Variants in ABHD2 observed in about 807,000 individuals in gnomAD.
The protein encoded by ABHD2 is abhydrolase domain containing 2, acylglycerol lipase.
Under a neutral mutation model 48.1 loss-of-function variants are expected in ABHD2, and 20 were observed. That is an observed-to-expected ratio of 0.42 (90% CI 0.29 to 0.60). The LOEUF is 0.60. Ranked by LOEUF, ABHD2 falls within the 20% of genes least tolerant of loss-of-function variation. The pLI, the probability that ABHD2 is intolerant of heterozygous loss-of-function variation, is 0.24. For synonymous variants in ABHD2, 209 were observed against 214.2 expected, an observed-to-expected ratio of 0.98 and a Z score of 0.21; for missense variants, 405 against 550.9, an observed-to-expected ratio of 0.74 and a Z score of 2.65.
At position 89,137,259 on chromosome 15, in the gene ABHD2, A is replaced by T. The variant is rs2050330084; in HGVS notation, c.195-14418A>T. 6.6e-6 allele frequency among the ~76,000 whole-genome samples: 1 copy of T among 152,122 alleles called. No individual in the cohort carries two copies. The highest frequency in any genetic ancestry group is 1.5e-5 in the Non-Finnish European group (1 of 68,032). ...CTGTGCTTTGGTGTGCCTAGGGAGGATGTGACCAGTTCCGCGTGCTGTTTG... is the reference window on the plus strand; with the variant it reads ...CTGTGCTTTGGTGTGCCTAGGGAGGTTGTGACCAGTTCCGCGTGCTGTTTG... On this transcript the variant is annotated intron_variant, in intron 3 of 10. Transcript: ENST00000352732. This position sits in a 1 kb window ranked among gnomAD's most constrained non-coding sequence, Gnocchi z 4.8.
rs941253455 is a variant in ABHD2, at chr15:89,164,324, T to C, written c.538+8790T>C. Reference sequence around the variant, plus strand: ...AACCTTTTCACAGACAGGGACCAGATCTGCATTTCTAATTTTTATATTATT... The same window carrying C: ...AACCTTTTCACAGACAGGGACCAGACCTGCATTTCTAATTTTTATATTATT... On this transcript the variant is annotated intron_variant, in intron 5 of 10. Coordinates refer to ENST00000352732, the MANE Select transcript of ABHD2 (RefSeq NM_152924.5). This position sits in a 1 kb window ranked among gnomAD's most constrained non-coding sequence, Gnocchi z 5.0. Among the ~76,000 whole-genome samples the C allele has an allele frequency of 3.3e-5, 5 of 152,140 alleles. No homozygotes were observed. The highest frequency in any genetic ancestry group is 6.5e-5 in the Admixed American group (1 of 15,278).
chr15:89,048,591 T>C, the ABHD2 span, among the ~76,000 whole-genome samples: 2 of 152,256 alleles, frequency 1.3e-5, no homozygotes, highest in South Asian at 4.1e-4. Context: ...GAGGCTTTGC[T>C]CATTTCTTTT....
chr15:89,142,298 A>G (rs1596109425), intron 3 of ABHD2, among the ~76,000 whole-genome samples: 4 of 152,380 alleles, frequency 2.6e-5, no homozygotes, highest in South Asian at 2.1e-4. Flanking sequence ...GATAAATAAA[A>G]TAGCAGTTTT....
chr15:89,138,213 T>C (rs2050345341), intron 3 of ABHD2, among the ~76,000 whole-genome samples: 1 of 152,224 alleles, frequency 6.6e-6, no homozygotes, highest in Non-Finnish European at 1.5e-5. Flanking sequence ...ACCTTTCCTG[T>C]GTGCACACAC....
chr15:89,173,919 C>T lies in ABHD2; in HGVS notation c.539-1893C>T, dbSNP rs1006046289. Among the ~76,000 whole-genome samples, 1 of 152,084 alleles carries T rather than the reference C, an allele frequency of 6.6e-6. No homozygotes were observed. The highest frequency in any genetic ancestry group is 6.5e-5 in the Admixed American group (1 of 15,268). ...GGAAGCAGCTCTTGGCCCGGTTTTTCCCTTAGTTTTAGGCATCTCTTGCTT... is the reference window on the plus strand; with the variant it reads ...GGAAGCAGCTCTTGGCCCGGTTTTTTCCTTAGTTTTAGGCATCTCTTGCTT... On this transcript the variant is annotated intron_variant, in intron 5 of 10. Transcript: ENST00000352732. The surrounding 1 kb of genome is among the most constrained non-coding windows in gnomAD (Gnocchi z 6.5).
chr15:89,088,947 C>T lies in ABHD2; in HGVS notation c.-107+384C>T, dbSNP rs2150763670. The stretch of plus-strand genomic sequence containing the variant: ...GGGATCCGCACCTGGAAGGAGAGGG[C>T]CGAGGGGCCTGATTACAGCCCGAGA... On this transcript the variant is annotated intron_variant, in intron 1 of 10. Coordinates refer to ENST00000352732, the MANE Select transcript of ABHD2 (RefSeq NM_152924.5). The surrounding 1 kb of genome is among the most constrained non-coding windows in gnomAD (Gnocchi z 6.8). Among the ~76,000 whole-genome samples, 1 of 152,334 alleles carries T rather than the reference C, an allele frequency of 6.6e-6. No homozygotes were observed. The highest frequency in any genetic ancestry group is 3.4e-3 in the Middle Eastern group (1 of 294).
At chr15:89,060,387 G>A in the ABHD2 span, among the ~76,000 whole-genome samples, 2,042 of 145,778 alleles carry the variant, frequency 0.014, 44 homozygotes, top group African/African-American at 0.048. Context: ...CACCTCGCCC[G>A]GCCAGCCTTT....
chr15:89,100,479 C>T lies in ABHD2; in HGVS notation c.-107+11916C>T, dbSNP rs2049683854. Among the ~76,000 whole-genome samples, 1 of 152,094 alleles carries T rather than the reference C, an allele frequency of 6.6e-6. No individual in the cohort carries two copies. The highest frequency in any genetic ancestry group is 6.5e-5 in the Admixed American group (1 of 15,276). On this transcript the variant is annotated intron_variant, in intron 1 of 10. Transcript: ENST00000352732. The surrounding 1 kb of genome is among the most constrained non-coding windows in gnomAD (Gnocchi z 4.4). ...GTCTGTGTCCAGATCCTGCAAGTAG[C>T]CTCTCTACCCCACCACCAATGTACA...
intron 1 of ABHD2, among the ~76,000 whole-genome samples, chr15:89,095,183 T>TAA (rs536877790): frequency 2.8e-4 from 42 of 152,276 alleles, no homozygotes; most frequent in African/African-American, 9.4e-4. Context: ...GTTGAGTTAA[T>TAA]GGCCATTGAA....
rs1279668301 is a variant in ABHD2, at chr15:89,201,869, G to T, written c.*6446G>T. On this transcript the variant is annotated 3_prime_UTR_variant, in exon 11 of 11. Transcript: ENST00000352732. Reference sequence around the variant, plus strand: ...GGCGGGGGACGATGGCGAGAGGGGAGGGGGAGCGAGTTCGCATCTCTCCTT... The same window carrying T: ...GGCGGGGGACGATGGCGAGAGGGGATGGGGAGCGAGTTCGCATCTCTCCTT... 3 of 748,846 alleles carry T rather than the reference G, an allele frequency of 4.0e-6. No homozygotes were observed. The highest frequency in any genetic ancestry group is 1.8e-5 in the African/African-American group (1 of 57,004). 46.4% of individuals were successfully genotyped at this position (748,846 alleles called of 1,614,324 possible).
rs2051033301 is a variant in ABHD2 at position 89,177,395 on chromosome 15, C to T, written c.722+1400C>T. 6.6e-6 allele frequency among the ~76,000 whole-genome samples: 1 copy of T among 152,188 alleles called. No homozygotes were observed. The highest frequency in any genetic ancestry group is 2.1e-4 in the South Asian group (1 of 4,826). On this transcript the variant is annotated intron_variant, in intron 6 of 10. Coordinates refer to ENST00000352732, the MANE Select transcript of ABHD2 (RefSeq NM_152924.5). This position sits in a 1 kb window ranked among gnomAD's most constrained non-coding sequence, Gnocchi z 5.6. Reference sequence around the variant, plus strand: ...CGGTCCAGTGAACTAGTGACTGCCTCACTTCATAAGGAATCACTTGGAGGA... The same window carrying T: ...CGGTCCAGTGAACTAGTGACTGCCTTACTTCATAAGGAATCACTTGGAGGA...
the ABHD2 span, among the ~76,000 whole-genome samples, chr15:89,058,429 C>T: frequency 6.6e-6 from 1 of 152,154 alleles, no homozygotes; most frequent in Non-Finnish European, 1.5e-5. Flanking sequence ...AGATGCCCCG[C>T]AGGCACAGAA....
chr15:89,068,298 C>T, the ABHD2 span, among the ~76,000 whole-genome samples: 1 of 152,126 alleles, frequency 6.6e-6, no homozygotes, highest in African/African-American at 2.4e-5. Context: ...ATGTAAGTAG[C>T]ACAAAACAAC....
intron 10 of ABHD2, chr15:89,193,531 G>A (rs995178811): frequency 1.7e-6 from 1 of 592,592 alleles, no homozygotes; most frequent in Non-Finnish European, 3.0e-6. Context: ...CCCAGGGCAT[G>A]AGACAGGACC....
rs1490610726 is a variant in ABHD2 at position 89,104,855 on chromosome 15, T to C, written c.-106-8870T>C. 1.3e-5 allele frequency among the ~76,000 whole-genome samples: 2 copies of C among 152,196 alleles called. No homozygotes were observed. Among genetic ancestry groups the C allele is most frequent in the African/African-American group, 4.8e-5 (2 of 41,460 alleles). On this transcript the variant is annotated intron_variant, in intron 1 of 10. Coordinates refer to ENST00000352732, the MANE Select transcript of ABHD2 (RefSeq NM_152924.5). This position sits in a 1 kb window ranked among gnomAD's most constrained non-coding sequence, Gnocchi z 4.4. ...AATCTGGAGATGCCCTCTTCTTCAG[T>C]TGTATCCTTCTCTTAAAAATTCCAG...
intron 5 of ABHD2, among the ~76,000 whole-genome samples, chr15:89,156,699 GCAACAGA>G (rs1189101636): frequency 1.3e-5 from 2 of 150,048 alleles, no homozygotes; most frequent in Non-Finnish European, 2.9e-5. Flanking sequence ...TCCAGCCTGG[GCAACAGA>G]GCAAGACTCT....
rs2049786674 is a variant in ABHD2, at chr15:89,106,417, T to C, written c.-106-7308T>C. On this transcript the variant is annotated intron_variant, in intron 1 of 10. Transcript: ENST00000352732. This position sits in a 1 kb window ranked among gnomAD's most constrained non-coding sequence, Gnocchi z 4.2. Reference sequence around the variant, plus strand: ...TTTGCTAAAAGGTGGGTCTGTGAGCTGCTGGCTAAGGTGCTCACTCACCTC... The same window carrying C: ...TTTGCTAAAAGGTGGGTCTGTGAGCCGCTGGCTAAGGTGCTCACTCACCTC... 1.3e-5 allele frequency: 2 copies of C among 152,230 alleles called. No homozygotes were observed. Among genetic ancestry groups the C allele is most frequent in the Admixed American group, 1.3e-4 (2 of 15,276 alleles). The allele number at this position is 152,230 out of a possible 1,614,324, so 9.4% of individuals were successfully genotyped here.
rs1567074529 is a variant in ABHD2 at position 89,116,958 on chromosome 15, C to T, written c.194+437C>T. 1.3e-5 allele frequency among the ~76,000 whole-genome samples: 2 copies of T among 152,180 alleles called. No individual in the cohort carries two copies. The highest frequency in any genetic ancestry group is 4.8e-5 in the African/African-American group (2 of 41,444). On this transcript the variant is annotated intron_variant, in intron 3 of 10. Transcript: ENST00000352732. This position sits in a 1 kb window ranked among gnomAD's most constrained non-coding sequence, Gnocchi z 4.6. ...CTGCCTTGTTGAAAAATGTACCAAG[C>T]ATTAGCTAAGAGAATGCACTTAAAG...
In ABHD2 at chr15:89,176,124, T is replaced by C; in HGVS notation, c.722+129T>C. On this transcript the variant is annotated intron_variant, in intron 6 of 10. Transcript: ENST00000352732. The surrounding 1 kb of genome is among the most constrained non-coding windows in gnomAD (Gnocchi z 4.5). ...CCGACTGAGTAGAAGTTTCTGAGTC[T>C]TGGACTCACCTTGTTTTGTCTGCAT... The C allele has an allele frequency of 3.0e-6, 3 of 1,002,578 alleles. No homozygotes were observed. Among genetic ancestry groups the C allele is most frequent in the Non-Finnish European group, 4.3e-6 (3 of 699,724 alleles). The allele number at this position is 1,002,578 out of a possible 1,614,324, so 62.1% of individuals were successfully genotyped here.
Sources: gnomAD v4.1 joint callset for allele counts (sites outside exome capture counted in the v4.1 genomes callset) on GRCh38, gnomAD v4.1.1 for gene constraint, Gnocchi (gnomAD v3.1) non-coding constraint, MANE v1.5 for transcripts, NCBI Gene and HGNC (gene_info 2026-07-23, HGNC 2026-07-21) for gene names.